The following PHF24 variants were observed in gnomAD, a reference collection of about 807,000 sequenced individuals.
PHF24 encodes the protein Galpha inhibitory interacting protein.
PHF24 carries 25 observed loss-of-function variants against 42.6 expected under a neutral mutation model. That is an observed-to-expected ratio of 0.59 (90% confidence interval 0.43 to 0.82). The LOEUF (loss-of-function observed/expected upper bound fraction) is 0.82, where lower values mean the gene tolerates loss of function less well. Ranked by LOEUF, PHF24 falls within the 40% of genes least tolerant of loss-of-function variation. The probability of loss-of-function intolerance (pLI) is 0.00; values close to 1 mark genes in which losing one functional copy is unlikely to be tolerated. For synonymous variants in PHF24, 185 were observed against 204.8 expected, an observed-to-expected ratio of 0.90 and a Z score of 0.83; for missense variants, 470 against 538.1, an observed-to-expected ratio of 0.87 and a Z score of 1.25.
At chr9:34,943,496 C>T in the PHF24 span, among the ~76,000 whole-genome samples, 2 of 152,154 alleles carry the variant, frequency 1.3e-5, no homozygotes, top group East Asian at 1.9e-4. Flanking sequence ...CTGTAGACCT[C>T]GTATTCTATT....
chr9:34,777,545 T>A, the PHF24 span, among the ~76,000 whole-genome samples: 1 of 152,158 alleles, frequency 6.6e-6, no homozygotes, highest in Non-Finnish European at 1.5e-5. Flanking sequence ...GGTGGCAGCC[T>A]AGGCCAGTGG....
At chr9:34,694,159 CTTTTTTTTTTT>C in the PHF24 span, among the ~76,000 whole-genome samples, 6 of 66,124 alleles carry the variant, frequency 9.1e-5, no homozygotes, top group Admixed American at 4.3e-4. Flanking sequence ...TATCTCTATT[CTTTTTTTTTTT>C]TTTTTTTTTT....
chr9:34,794,553 A>G, the PHF24 span, among the ~76,000 whole-genome samples: 1 of 152,238 alleles, frequency 6.6e-6, no homozygotes, highest in Non-Finnish European at 1.5e-5. Context: ...GCTATTATAA[A>G]AATGTTCCAA....
At chr9:34,742,613 A>G in the PHF24 span, among the ~76,000 whole-genome samples, 1 of 152,034 alleles carries the variant, frequency 6.6e-6, no homozygotes. Flanking sequence ...TTTTTTTTAT[A>G]GAGACAGGGT....
chr9:34,927,680 G>A, the PHF24 span, among the ~76,000 whole-genome samples: 92 of 152,252 alleles, frequency 6.0e-4, 1 homozygote, highest in Admixed American at 5.1e-3. Flanking sequence ...GGGGGAGACA[G>A]GGCTATAGAG....
At chr9:34,889,524 G>A in the PHF24 span, 12 of 398,478 alleles carry the variant, frequency 3.0e-5, no homozygotes, top group Non-Finnish European at 4.4e-5. Context: ...TTGGGTCACT[G>A]TCTCAGCCTT....
the PHF24 span, chr9:34,723,376 G>A: frequency 3.2e-6 from 5 of 1,551,746 alleles, no homozygotes; most frequent in Non-Finnish European, 3.5e-6. Context: ...GACCATCCAA[G>A]AAGGCTGGGC....
the PHF24 span, among the ~76,000 whole-genome samples, chr9:34,824,907 A>C: frequency 4.5e-3 from 686 of 152,256 alleles, 5 homozygotes; most frequent in African/African-American, 0.016. Context: ...CACAGTCACT[A>C]GTATTACCTG....
chr9:34,707,292 C>T, the PHF24 span, among the ~76,000 whole-genome samples: 1 of 152,190 alleles, frequency 6.6e-6, no homozygotes, highest in Non-Finnish European at 1.5e-5. Flanking sequence ...AGAACACTCA[C>T]TGGCGAGACT....
At chr9:34,726,885 C>T in the PHF24 span, 1 of 1,551,808 alleles carries the variant, frequency 6.4e-7, no homozygotes, top group Non-Finnish European at 8.7e-7. Context: ...TTCTCACCCA[C>T]CAGCAATTGC....
chr9:34,851,252 A>C, the PHF24 span, among the ~76,000 whole-genome samples: 2 of 152,160 alleles, frequency 1.3e-5, no homozygotes, highest in Non-Finnish European at 2.9e-5. Context: ...GGTGGGCTCC[A>C]CCCAGTTCAA....
At chr9:34,958,226 G>GTGC (rs2073304960), upstream of PHF24, 1 of 150,272 alleles carries the variant, frequency 6.7e-6, no homozygotes, top group African/African-American at 2.6e-5. This position sits in a 1 kb window ranked among gnomAD's most constrained non-coding sequence, Gnocchi z 4.5. Flanking sequence ...CCGGCCGCGC[G>GTGC]CGCCGCCGCC....
chr9:34,811,675 A>C, the PHF24 span, among the ~76,000 whole-genome samples: 3 of 152,182 alleles, frequency 2.0e-5, no homozygotes, highest in Non-Finnish European at 4.4e-5. Context: ...GGCTAAATAG[A>C]CTAAGACAAG....
chr9:34,797,857 T>C, the PHF24 span, among the ~76,000 whole-genome samples: 1 of 151,988 alleles, frequency 6.6e-6, no homozygotes, highest in Non-Finnish European at 1.5e-5. Flanking sequence ...CCAGGGACCA[T>C]GCCCTCCTCT....
chr9:34,818,954 C>A, the PHF24 span, among the ~76,000 whole-genome samples: 1 of 152,238 alleles, frequency 6.6e-6, no homozygotes, highest in Non-Finnish European at 1.5e-5. Flanking sequence ...CATGTGAAAG[C>A]TTTTAATGAC....
At chr9:34,937,190 G>A in the PHF24 span, among the ~76,000 whole-genome samples, 1 of 152,208 alleles carries the variant, frequency 6.6e-6, no homozygotes, top group Non-Finnish European at 1.5e-5. Flanking sequence ...TGATAATGGC[G>A]GTTTTGTGGA....
the PHF24 span, among the ~76,000 whole-genome samples, chr9:34,822,159 C>G: frequency 6.6e-6 from 1 of 151,988 alleles, no homozygotes; most frequent in Admixed American, 6.6e-5. Flanking sequence ...TTTTTAAAAT[C>G]CATTATCTTT....
chr9:34,921,846 T>G, the PHF24 span, among the ~76,000 whole-genome samples: 1 of 152,206 alleles, frequency 6.6e-6, no homozygotes, highest in South Asian at 2.1e-4. Context: ...AACCAATATG[T>G]AGGCAGTTTT....
chr9:34,751,451 CAAAG>C, the PHF24 span, among the ~76,000 whole-genome samples: 7 of 151,892 alleles, frequency 4.6e-5, no homozygotes, highest in African/African-American at 1.5e-4. Flanking sequence ...TAAAAAGAGA[CAAAG>C]AAGGTCATTA....
Sources: gnomAD v4.1 joint callset for allele counts (sites outside exome capture counted in the v4.1 genomes callset) on GRCh38, gnomAD v4.1.1 for gene constraint, Gnocchi (gnomAD v3.1) non-coding constraint, MANE v1.5 for transcripts, NCBI Gene and HGNC (gene_info 2026-07-23, HGNC 2026-07-21) for gene names.